The following CSMD1 variants were observed in gnomAD, a reference collection of about 807,000 sequenced individuals.
The protein encoded by CSMD1 is CUB and Sushi multiple domains 1, also known as CUB and sushi domain-containing protein 1.
CSMD1 carries 213 observed loss-of-function variants against 417.5 expected under a neutral mutation model. The ratio of observed to expected loss-of-function variants is 0.51; its 90% CI spans 0.46 to 0.57. The LOEUF is 0.57. CSMD1 is among the 20% of genes least tolerant of loss of function. The probability of loss-of-function intolerance (pLI) is 0.00; values close to 1 mark genes in which losing one functional copy is unlikely to be tolerated. For missense variants in CSMD1, 6,923 were observed against 4,529.7 expected (o/e 1.53, Z -15.17); for synonymous variants, 2,862 against 1,736.8 (o/e 1.65, Z -16.11).
chr8:4,238,051 T>TC (rs1802171534), intron 3 of CSMD1, among the ~76,000 whole-genome samples: 2 of 152,168 alleles, frequency 1.3e-5, no homozygotes, highest in South Asian at 4.1e-4. Context: ...GCTTAGTTTT[T>TC]CTACCCTAGG....
At chr8:3,512,364 C>G (rs192158344) in intron 10 of CSMD1, among the ~76,000 whole-genome samples, 416 of 152,268 alleles carry the variant, frequency 2.7e-3, no homozygotes, top group African/African-American at 9.1e-3. Context: ...GACTTCAGCT[C>G]AGAAATTCAA....
intron 6 of CSMD1, among the ~76,000 whole-genome samples, chr8:3,714,794 A>C (rs1251040640): frequency 6.6e-6 from 1 of 151,998 alleles, no homozygotes; most frequent in African/African-American, 2.4e-5. Flanking sequence ...TATTTGGAGC[A>C]TTTTTTGTCT....
chr8:4,659,730 A>G (rs981991872), intron 1 of CSMD1, among the ~76,000 whole-genome samples: 9 of 152,180 alleles, frequency 5.9e-5, no homozygotes, highest in Admixed American at 3.3e-4. Flanking sequence ...TGGTAGTTAT[A>G]CAACATTGTG....
At chr8:4,461,352 T>A (rs1242978104) in intron 2 of CSMD1, among the ~76,000 whole-genome samples, 2 of 151,596 alleles carry the variant, frequency 1.3e-5, no homozygotes, top group Non-Finnish European at 2.9e-5. Flanking sequence ...ATACTGGAGG[T>A]TTTAGCTAGG....
chr8:3,661,665 T>A (rs1798425292), intron 7 of CSMD1, among the ~76,000 whole-genome samples: 1 of 151,980 alleles, frequency 6.6e-6, no homozygotes, highest in Non-Finnish European at 1.5e-5. Context: ...CCCAGCTAAT[T>A]TTTGTATTTT....
At chr8:3,675,467 C>T (rs561599574) in intron 7 of CSMD1, among the ~76,000 whole-genome samples, 1 of 152,134 alleles carries the variant, frequency 6.6e-6, no homozygotes, top group Non-Finnish European at 1.5e-5. Flanking sequence ...AAGGTGATTG[C>T]AATGGACTGA....
intron 3 of CSMD1, among the ~76,000 whole-genome samples, chr8:4,346,788 T>C (rs17413882): frequency 0.19 from 28,564 of 152,178 alleles, 2,876 homozygotes; most frequent in Non-Finnish European, 0.22. Context: ...AAGTCAGTGG[T>C]AAGCTCTGGA....
chr8:4,914,692 C>T (rs960539933), intron 1 of CSMD1, among the ~76,000 whole-genome samples: 8 of 151,784 alleles, frequency 5.3e-5, no homozygotes, highest in African/African-American at 7.3e-5. Context: ...AAAATGAACT[C>T]GGAAAAGGAA....
chr8:3,864,286 C>T (rs904128628), intron 5 of CSMD1, among the ~76,000 whole-genome samples: 47 of 152,172 alleles, frequency 3.1e-4, no homozygotes, highest in Middle Eastern at 3.4e-3. Context: ...AATAATTTGG[C>T]CAATATTTGT....
intron 5 of CSMD1, among the ~76,000 whole-genome samples, chr8:3,764,297 C>T (rs78765205): frequency 0.042 from 6,446 of 152,280 alleles, 182 homozygotes; most frequent in Non-Finnish European, 0.066. Flanking sequence ...GGTGTCTCTC[C>T]TTGTGCTGTA....
chr8:4,132,423 G>A (rs769450522), intron 3 of CSMD1, among the ~76,000 whole-genome samples: 3 of 152,026 alleles, frequency 2.0e-5, no homozygotes, highest in Non-Finnish European at 2.9e-5. Context: ...TTTACCCATA[G>A]AAACTATTTT....
chr8:4,334,015 T>A (rs1045580312), intron 3 of CSMD1, among the ~76,000 whole-genome samples: 2 of 152,030 alleles, frequency 1.3e-5, no homozygotes, highest in Admixed American at 1.3e-4. Flanking sequence ...CTCAGACTCC[T>A]GAGTACCTGG....
intron 1 of CSMD1, among the ~76,000 whole-genome samples, chr8:4,920,899 A>AG (rs1563768823): frequency 4.8e-5 from 3 of 62,282 alleles, no homozygotes; most frequent in African/African-American, 9.1e-5. Flanking sequence ...AAGAAAAGAA[A>AG]AGAAAAGAAA....
At chr8:4,411,269 C>A (rs1010213855) in intron 3 of CSMD1, among the ~76,000 whole-genome samples, 5 of 151,990 alleles carry the variant, frequency 3.3e-5, no homozygotes, top group African/African-American at 1.2e-4. Flanking sequence ...ATGAAATGGG[C>A]TCTATGGAGT....
intron 7 of CSMD1, among the ~76,000 whole-genome samples, chr8:3,626,664 C>T (rs1796505598): frequency 6.6e-6 from 1 of 151,298 alleles, no homozygotes; most frequent in African/African-American, 2.4e-5. Context: ...TTAGTGATTT[C>T]AGGATAAGTA....
intron 6 of CSMD1, among the ~76,000 whole-genome samples, chr8:3,731,959 G>A (rs550163086): frequency 6.6e-6 from 1 of 152,228 alleles, no homozygotes; most frequent in East Asian, 1.9e-4. Context: ...CAAACCCTGG[G>A]CTCTCACTGA....
At chr8:3,779,261 T>C (rs2129062094) in intron 5 of CSMD1, among the ~76,000 whole-genome samples, 1 of 152,106 alleles carries the variant, frequency 6.6e-6, no homozygotes, top group East Asian at 1.9e-4. Context: ...GCAAGGGTAT[T>C]ATCTGTTTGC....
Position 3,284,207 on chromosome 8 carries a change from G to C in CSMD1, c.4090C>G (p.Leu1364Val), listed in dbSNP as rs535201672. 3 of 1,609,224 alleles carry C rather than the reference G, an allele frequency of 1.9e-6. No individual in the cohort carries two copies. The highest frequency in any genetic ancestry group is 1.7e-5 in the Admixed American group (1 of 59,204). Reference sequence around the variant, plus strand: ...AAGTCGCTGTCGAACTGCAGGGTGAGTGAGTTGAAGGTGCTGTGGATGTCC... The same window carrying C: ...AAGTCGCTGTCGAACTGCAGGGTGACTGAGTTGAAGGTGCTGTGGATGTCC... The part of the protein sequence containing the change: ...PEDIHSTFNS[L>V]TLQFDSDFFI... Residue 1364 changes from leucine to valine, a missense_variant, in exon 26 of 70, where the codon CTC (leucine) becomes GTC (valine). Physicochemically the swap from Leu to Val is conservative, Grantham distance 32. Transcript: ENST00000635120.
intron 2 of CSMD1, among the ~76,000 whole-genome samples, chr8:4,427,261 A>C (rs560872732): frequency 6.6e-6 from 1 of 152,140 alleles, no homozygotes; most frequent in Non-Finnish European, 1.5e-5. Context: ...AGTCCAAGAG[A>C]TCACTTGAGT....
Sources: gnomAD v4.1 joint callset for allele counts (sites outside exome capture counted in the v4.1 genomes callset) on GRCh38, gnomAD v4.1.1 for gene constraint, MANE v1.5 for transcripts, NCBI Gene and HGNC (gene_info 2026-07-23, HGNC 2026-07-21) for gene names.